The following ELAPOR2 variants were observed in gnomAD, a reference collection of about 807,000 sequenced individuals.
ELAPOR2 encodes endosome/lysosome-associated apoptosis and autophagy regulator family member 2.
In ELAPOR2, 89 loss-of-function variants were observed where a neutral mutation model predicts 120.7. The observed-to-expected ratio is 0.74, with a 90% CI of 0.62 to 0.88. The LOEUF (loss-of-function observed/expected upper bound fraction) is 0.88, where lower values mean the gene tolerates loss of function less well. Among genes scored for constraint, ELAPOR2 ranks in the 40% least tolerant of loss-of-function variants. ELAPOR2 has a pLI of 0.00. For synonymous variants in ELAPOR2, 444 were observed against 444.9 expected, an observed-to-expected ratio of 1.00 and a Z score of 0.03; for missense variants, 1,134 against 1,251.6, an observed-to-expected ratio of 0.91 and a Z score of 1.42.
intron 1 of ELAPOR2, among the ~76,000 whole-genome samples, chr7:87,012,847 A>G (rs1034367215): frequency 2.0e-5 from 3 of 152,214 alleles, no homozygotes; most frequent in African/African-American, 7.2e-5. Flanking sequence ...AAGTTCACAC[A>G]GCCTGCCACT....
At chr7:87,000,585 C>T (rs1793285916) in intron 1 of ELAPOR2, among the ~76,000 whole-genome samples, 2 of 152,092 alleles carry the variant, frequency 1.3e-5, no homozygotes, top group African/African-American at 4.8e-5. Flanking sequence ...TGCTATTAAC[C>T]TAAGCAAGTG....
intron 5 of ELAPOR2, 94 bp downstream of exon 5, chr7:86,941,924 T>C (rs1207937021): frequency 1.3e-5 from 9 of 673,832 alleles, no homozygotes; most frequent in Non-Finnish European, 2.4e-5. Context: ...TAAAACGTTA[T>C]GAAAGGAAGG....
intron 2 of ELAPOR2, among the ~76,000 whole-genome samples, chr7:86,955,420 T>G (rs1791431901): frequency 6.6e-6 from 1 of 152,020 alleles, no homozygotes; most frequent in Non-Finnish European, 1.5e-5. Flanking sequence ...AGTTTTCATG[T>G]CAAAACATAC....
chr7:87,035,645 T>C (rs1252081897), intron 1 of ELAPOR2, among the ~76,000 whole-genome samples: 1 of 152,228 alleles, frequency 6.6e-6, no homozygotes, highest in Non-Finnish European at 1.5e-5. Flanking sequence ...GTTGAACTAA[T>C]GACCTAATAT....
chr7:86,971,590 AAT>A (rs1792109295), intron 1 of ELAPOR2, among the ~76,000 whole-genome samples: 1 of 152,186 alleles, frequency 6.6e-6, no homozygotes, highest in Non-Finnish European at 1.5e-5. Context: ...TATTGAATTA[AAT>A]ATATGTTTAT....
chr7:86,985,178 T>G (rs1194770492), intron 1 of ELAPOR2, among the ~76,000 whole-genome samples: 3 of 152,118 alleles, frequency 2.0e-5, no homozygotes, highest in African/African-American at 7.2e-5. Context: ...AATAACAGGC[T>G]CTGAAATTGA....
At chr7:86,921,543 AC>A (rs1789830240) in intron 10 of ELAPOR2, among the ~76,000 whole-genome samples, 1 of 152,124 alleles carries the variant, frequency 6.6e-6, no homozygotes, top group Admixed American at 6.6e-5. Flanking sequence ...AGCCCTGCCC[AC>A]ACCTTGATTT....
chr7:86,933,091 T>C (rs1243479376), intron 8 of ELAPOR2, among the ~76,000 whole-genome samples: 1 of 151,766 alleles, frequency 6.6e-6, no homozygotes, highest in Non-Finnish European at 1.5e-5. Flanking sequence ...ACTTGCTATA[T>C]TTATATTCCT....
chr7:86,992,848 T>C (rs1635040), intron 1 of ELAPOR2, among the ~76,000 whole-genome samples: 57,523 of 152,020 alleles, frequency 0.38, 11,735 homozygotes, highest in African/African-American at 0.53. Context: ...GAATCCTTCA[T>C]CGATTTGAAA....
intron 18 of ELAPOR2, among the ~76,000 whole-genome samples, chr7:86,905,182 A>AAGAGAGAGAG (rs147886977): frequency 3.5e-5 from 5 of 143,360 alleles, no homozygotes; most frequent in Non-Finnish European, 6.1e-5. Context: ...GAAAGAGAGA[A>AAGAGAGAGAG]AGAGAGAGAG....
intron 1 of ELAPOR2, among the ~76,000 whole-genome samples, chr7:86,985,221 G>C (rs1388527076): frequency 6.6e-6 from 1 of 152,150 alleles, no homozygotes; most frequent in Non-Finnish European, 1.5e-5. Flanking sequence ...ATCAAAAAAA[G>C]TTCAGGACCA....
intron 21 of ELAPOR2, among the ~76,000 whole-genome samples, chr7:86,887,894 C>G (rs1202963654): frequency 6.6e-6 from 1 of 151,990 alleles, no homozygotes; most frequent in East Asian, 1.9e-4. Flanking sequence ...TACACACAGA[C>G]AGACACACAT....
At chr7:87,030,263 G>T (rs576558019) in intron 1 of ELAPOR2, among the ~76,000 whole-genome samples, 4 of 152,196 alleles carry the variant, frequency 2.6e-5, no homozygotes, top group Admixed American at 2.6e-4. Flanking sequence ...AAGCCTAAAT[G>T]GGACATGTCA....
chr7:87,028,053 A>G (rs1415675107), intron 1 of ELAPOR2, among the ~76,000 whole-genome samples: 3 of 152,164 alleles, frequency 2.0e-5, no homozygotes, highest in African/African-American at 7.2e-5. Context: ...TTGCATTTAG[A>G]AGACATGTTG....
chr7:86,934,996 A>C (rs537349397), intron 8 of ELAPOR2, among the ~76,000 whole-genome samples: 1 of 151,654 alleles, frequency 6.6e-6, no homozygotes, highest in Admixed American at 6.6e-5. Flanking sequence ...ACCATCATTC[A>C]CTTCCTTCTT....
intron 1 of ELAPOR2, among the ~76,000 whole-genome samples, chr7:87,030,617 G>C (rs546620988): frequency 6.6e-6 from 1 of 152,128 alleles, no homozygotes; most frequent in Non-Finnish European, 1.5e-5. Flanking sequence ...TGTGTAAACA[G>C]ACTGTAATTT....
At chr7:86,908,021 A>T (rs1789113388) in intron 17 of ELAPOR2, among the ~76,000 whole-genome samples, 2 of 151,996 alleles carry the variant, frequency 1.3e-5, no homozygotes, top group African/African-American at 4.8e-5. Context: ...TTTAATAAAA[A>T]TTATAATCAA....
chr7:87,049,293 T>TA (rs991451135), intron 1 of ELAPOR2, among the ~76,000 whole-genome samples: 26 of 151,484 alleles, frequency 1.7e-4, no homozygotes, highest in African/African-American at 3.4e-4. Context: ...TTTATTTATT[T>TA]TTTTTTGAGA....
At chr7:86,992,950 A>T (rs1792993261) in intron 1 of ELAPOR2, among the ~76,000 whole-genome samples, 2 of 152,180 alleles carry the variant, frequency 1.3e-5, no homozygotes, top group African/African-American at 4.8e-5. Flanking sequence ...AGTATAAAGA[A>T]AATCTTGCCG....
Sources: gnomAD v4.1 joint callset for allele counts (sites outside exome capture counted in the v4.1 genomes callset) on GRCh38, gnomAD v4.1.1 for gene constraint, MANE v1.5 for transcripts, NCBI Gene and HGNC (gene_info 2026-07-23, HGNC 2026-07-21) for gene names.